Variants in SAMSN1 observed in about 807,000 individuals in gnomAD.
SAMSN1 encodes SAM domain-containing protein SAMSN-1.
Under a neutral mutation model 42.0 loss-of-function variants are expected in SAMSN1, and 31 were observed. The observed-to-expected ratio is 0.74, with a 90% CI of 0.55 to 1.00. The LOEUF (loss-of-function observed/expected upper bound fraction) is 1.00. Among genes scored for constraint, SAMSN1 ranks in the 50% least tolerant of loss-of-function variants. SAMSN1 has a pLI of 0.00. For synonymous variants in SAMSN1, 178 were observed against 151.9 expected (o/e 1.17, Z -1.26); for missense variants, 464 against 439.4 (o/e 1.06, Z -0.50).
upstream of SAMSN1, among the ~76,000 whole-genome samples, chr21:14,587,153 G>T (rs1047840372): frequency 1.3e-5 from 2 of 152,100 alleles, no homozygotes; most frequent in African/African-American, 4.8e-5. Context: ...GCATTCAAAT[G>T]TGCTTCATGT....
At chr21:14,622,379 G>T (rs1321041578) in intron 2 of SAMSN1, among the ~76,000 whole-genome samples, 5 of 151,934 alleles carry the variant, frequency 3.3e-5, no homozygotes, top group African/African-American at 7.3e-5. Flanking sequence ...CTTGGGAAAA[G>T]ATTAGACGAA....
At chr21:14,628,175 G>T (rs975237155) in intron 2 of SAMSN1, among the ~76,000 whole-genome samples, 5 of 152,142 alleles carry the variant, frequency 3.3e-5, no homozygotes, top group Non-Finnish European at 7.4e-5. Context: ...TTTCATTAAA[G>T]GTTACAAATT....
chr21:14,487,972 TC>T (rs1403981098), intron 7 of SAMSN1, among the ~76,000 whole-genome samples: 1 of 152,142 alleles, frequency 6.6e-6, no homozygotes, highest in Non-Finnish European at 1.5e-5. Flanking sequence ...TTTCTGAGTA[TC>T]AGTCATTCAC....
chr21:14,532,472 A>G (rs1325893781), intron 1 of SAMSN1, among the ~76,000 whole-genome samples: 1 of 152,232 alleles, frequency 6.6e-6, no homozygotes, highest in Admixed American at 6.5e-5. Context: ...TTAGTGTCCT[A>G]TAACTATTTT....
At chr21:14,515,867 A>C (rs937786669) in intron 3 of SAMSN1, among the ~76,000 whole-genome samples, 6 of 152,224 alleles carry the variant, frequency 3.9e-5, no homozygotes, top group African/African-American at 7.2e-5. Context: ...AAGATAGATA[A>C]ATGGCTAAAA....
intron 2 of SAMSN1, among the ~76,000 whole-genome samples, chr21:14,637,725 A>C (rs1983501281): frequency 6.6e-6 from 1 of 152,264 alleles, no homozygotes; most frequent in East Asian, 1.9e-4. Context: ...GAAAAAAAAA[A>C]GGTCTTAATC....
At chr21:14,619,377 T>C (rs989626169) in intron 2 of SAMSN1, among the ~76,000 whole-genome samples, 2 of 152,228 alleles carry the variant, frequency 1.3e-5, no homozygotes, top group Non-Finnish European at 1.5e-5. Flanking sequence ...GTAAATCCCA[T>C]GGTGAATTTT....
At chr21:14,624,121 A>G (rs964450055) in intron 2 of SAMSN1, among the ~76,000 whole-genome samples, 2 of 152,252 alleles carry the variant, frequency 1.3e-5, no homozygotes, top group Non-Finnish European at 1.5e-5. Context: ...GGACACATTT[A>G]AAGAAATGTA....
At chr21:14,604,796 G>A (rs1404708963) in intron 5 of SAMSN1, among the ~76,000 whole-genome samples, 2 of 152,240 alleles carry the variant, frequency 1.3e-5, no homozygotes, top group Non-Finnish European at 2.9e-5. Context: ...AGACATGTAA[G>A]TGAAGGAGCC....
chr21:14,608,211 A>C (rs1982614101), intron 5 of SAMSN1, among the ~76,000 whole-genome samples: 3 of 152,228 alleles, frequency 2.0e-5, no homozygotes, highest in Admixed American at 2.0e-4. Context: ...CCACTAAAAA[A>C]AGTAGGAAAG....
chr21:14,646,895 C>T (rs1555847063), intron 1 of SAMSN1, among the ~76,000 whole-genome samples: 1 of 151,846 alleles, frequency 6.6e-6, no homozygotes, highest in African/African-American at 2.4e-5. Flanking sequence ...ATGGTAAACT[C>T]AAACCAAAAA....
intron 2 of SAMSN1, among the ~76,000 whole-genome samples, chr21:14,520,783 G>A (rs1461707868): frequency 1.3e-5 from 2 of 152,162 alleles, no homozygotes; most frequent in East Asian, 1.9e-4. Flanking sequence ...CTGCAGGGAG[G>A]AGCCTGGCCT....
Position 14,615,356 on chromosome 21 carries a change from C to T in SAMSN1, c.197+620G>A, listed in dbSNP as rs1208210994. 2.6e-5 allele frequency among the ~76,000 whole-genome samples: 4 copies of T among 151,924 alleles called. No homozygotes were observed. In the South Asian group the frequency reaches 8.3e-4, roughly 32 times the overall value. Reference sequence around the variant, plus strand: ...GAAAGAATATGAAAAAGCACAAGAGCTTTTGAGAAAGAGGACACCCAGAGA... The same window carrying T: ...GAAAGAATATGAAAAAGCACAAGAGTTTTTGAGAAAGAGGACACCCAGAGA... On this transcript the variant is annotated intron_variant, in intron 3 of 15. Transcript: ENST00000647101.
rs189481259 is a variant in SAMSN1 at position 14,521,103 on chromosome 21, C to A, written c.129+47G>T. ...AAGTGACATTGTCTTCATAATATTT[C>A]ATAATGTGTTTGCATAACATTCATA... On this transcript the variant is annotated intron_variant, in intron 2 of 7. Coordinates refer to ENST00000400566, the MANE Select transcript of SAMSN1 (RefSeq NM_022136.5). The A allele has an allele frequency of 3.4e-6, 4 of 1,170,062 alleles. 1 individual carries two copies. The Admixed American group carries it at 8.2e-5, about 24-fold the overall frequency. 72.5% of individuals were successfully genotyped at this position (1,170,062 alleles called of 1,614,324 possible). A position where few individuals can be genotyped will look rare whatever the true frequency, so the allele number is the denominator to read the frequency against.
intron 2 of SAMSN1, among the ~76,000 whole-genome samples, chr21:14,626,961 G>C (rs1241185282): frequency 6.6e-6 from 1 of 152,092 alleles, no homozygotes; most frequent in Non-Finnish European, 1.5e-5. Context: ...AAAATGATGA[G>C]TTCATGTCCT....
chr21:14,645,082 G>A (rs1050506681), intron 1 of SAMSN1, among the ~76,000 whole-genome samples: 14 of 152,308 alleles, frequency 9.2e-5, no homozygotes, highest in African/African-American at 3.1e-4. Flanking sequence ...AGGGCCTGGG[G>A]GCCTTCAGTG....
At chr21:14,512,600 T>C in intron 3 of SAMSN1, 27 bp from the exon 4 acceptor site, 1 of 1,611,774 alleles carries the variant, frequency 6.2e-7, no homozygotes, top group Non-Finnish European at 8.5e-7. Context: ...AGAGGTTAGG[T>C]ACAGAGAGAA....
chr21:14,579,849 T>G (rs777057942), intron 2 of SAMSN1, among the ~76,000 whole-genome samples: 3 of 152,134 alleles, frequency 2.0e-5, no homozygotes, highest in Non-Finnish European at 2.9e-5. Flanking sequence ...AGATAAGTTA[T>G]TCATAGGAAG....
intron 2 of SAMSN1, among the ~76,000 whole-genome samples, chr21:14,640,280 G>C (rs1983562682): frequency 6.6e-6 from 1 of 152,080 alleles, no homozygotes; most frequent in South Asian, 2.1e-4. Context: ...TTTATTATGG[G>C]CTATAGTTTC....
Sources: gnomAD v4.1 joint callset for allele counts (sites outside exome capture counted in the v4.1 genomes callset) on GRCh38, gnomAD v4.1.1 for gene constraint, MANE v1.5 for transcripts, NCBI Gene and HGNC (gene_info 2026-07-23, HGNC 2026-07-21) for gene names.